ANKS1B: variants seen among roughly 807,000 people sequenced by gnomAD.
ANKS1B encodes ankyrin repeat and sterile alpha motif domain containing 1B.
A neutral mutation model predicts 148.3 loss-of-function variants in ANKS1B; 36 were observed. The observed-to-expected ratio is 0.24, with a 90% CI of 0.19 to 0.32. ANKS1B has a LOEUF of 0.32. ANKS1B is among the 10% of genes least tolerant of loss of function. The pLI is 1.00. For missense variants in ANKS1B, 1,157 were observed against 1,542.6 expected (o/e 0.75, Z 4.19); for synonymous variants, 542 against 560.8 (o/e 0.97, Z 0.47).
intron 1 of ANKS1B, among the ~76,000 whole-genome samples, chr12:99,925,240 C>A (rs2094454866): frequency 6.6e-6 from 1 of 152,094 alleles, no homozygotes; most frequent in Non-Finnish European, 1.5e-5. Flanking sequence ...GAGCAATAAG[C>A]TTGGGAGCTT....
At chr12:99,461,969 G>C (rs1262367830) in intron 10 of ANKS1B, among the ~76,000 whole-genome samples, 1 of 152,038 alleles carries the variant, frequency 6.6e-6, no homozygotes, top group East Asian at 1.9e-4. Context: ...TATCCATCTA[G>C]TTTCATCCAA....
rs377762780 is a variant in ANKS1B, at chr12:99,780,149, T to A, written c.746-177A>T. The stretch of plus-strand genomic sequence containing the variant: ...CACACATGCGCACACACACACACAC[T>A]CACACAAGATTTTAGCAAGAAAGAA... On this transcript the variant is annotated intron_variant, in intron 5 of 26. Coordinates refer to ENST00000683438, the MANE Select transcript of ANKS1B (RefSeq NM_001352186.2). 9.5e-3 allele frequency among the ~76,000 whole-genome samples: 1,447 copies of A among 151,680 alleles called. 13 individuals are homozygous for A. The highest frequency in any genetic ancestry group is 0.037 in the Middle Eastern group (11 of 294).
intron 19 of ANKS1B, among the ~76,000 whole-genome samples, chr12:98,824,055 A>C (rs74418538): frequency 0.015 from 2,281 of 152,320 alleles, 56 homozygotes; most frequent in African/African-American, 0.052. Flanking sequence ...ATAAAGTTCC[A>C]AATTTCACTT....
At chr12:99,123,538 C>T (rs1330856268) in intron 15 of ANKS1B, among the ~76,000 whole-genome samples, 1 of 152,094 alleles carries the variant, frequency 6.6e-6, no homozygotes. Context: ...CACAATAGGC[C>T]ACCTGCAAGC....
At chr12:99,303,676 G>C (rs1390166093) in intron 12 of ANKS1B, among the ~76,000 whole-genome samples, 2 of 152,032 alleles carry the variant, frequency 1.3e-5, no homozygotes, top group African/African-American at 4.8e-5. Flanking sequence ...GGTGGTGTTT[G>C]GTTACATGGA....
intron 17 of ANKS1B, among the ~76,000 whole-genome samples, chr12:98,939,667 T>TC (rs1029438943): frequency 6.6e-6 from 1 of 152,168 alleles, no homozygotes; most frequent in Admixed American, 6.5e-5. Context: ...AGGTTGATAT[T>TC]CCCCCCAATA....
chr12:99,933,156 C>T (rs943510577), intron 1 of ANKS1B, among the ~76,000 whole-genome samples: 2 of 152,046 alleles, frequency 1.3e-5, no homozygotes, highest in African/African-American at 4.8e-5. Context: ...CTGTGTTGGT[C>T]ACTATAGCTC....
chr12:99,099,095 C>T (rs1446060173), intron 15 of ANKS1B, among the ~76,000 whole-genome samples: 1 of 151,936 alleles, frequency 6.6e-6, no homozygotes, highest in African/African-American at 2.4e-5. Context: ...CTGTTGAGTC[C>T]TAAAATTGCT....
chr12:99,876,190 T>G (rs2092028795), intron 1 of ANKS1B, among the ~76,000 whole-genome samples: 1 of 152,154 alleles, frequency 6.6e-6, no homozygotes, highest in African/African-American at 2.4e-5. Flanking sequence ...CTGTGCTAAG[T>G]GCTGCAGAAA....
At chr12:99,894,405 A>T (rs1201077412) in intron 1 of ANKS1B, among the ~76,000 whole-genome samples, 1 of 149,042 alleles carries the variant, frequency 6.7e-6, no homozygotes, top group African/African-American at 2.5e-5. Context: ...GCTACTCAGG[A>T]GGCTGAGACA....
intron 11 of ANKS1B, among the ~76,000 whole-genome samples, chr12:99,437,154 T>A (rs1158097158): frequency 2.0e-5 from 3 of 151,990 alleles, no homozygotes; most frequent in Non-Finnish European, 4.4e-5. Context: ...TGGGTTCTGG[T>A]GAAGGTCCTC....
chr12:99,012,388 T>G (rs936524227), intron 17 of ANKS1B, among the ~76,000 whole-genome samples: 1 of 152,202 alleles, frequency 6.6e-6, no homozygotes, highest in African/African-American at 2.4e-5. Context: ...TCTAGCATAT[T>G]TTAAATCTGT....
intron 17 of ANKS1B, among the ~76,000 whole-genome samples, chr12:99,027,455 C>A (rs997676787): frequency 2.6e-5 from 4 of 152,138 alleles, no homozygotes; most frequent in Non-Finnish European, 4.4e-5. Context: ...TATCAGGTAC[C>A]CAAACTCTTC....
At chr12:99,584,010 T>C (rs2097597264) in intron 9 of ANKS1B, among the ~76,000 whole-genome samples, 1 of 152,250 alleles carries the variant, frequency 6.6e-6, no homozygotes, top group Admixed American at 6.5e-5. Flanking sequence ...ATTCTGCTCT[T>C]AAACAGAGAC....
At chr12:99,912,886 T>C (rs1790992166) in intron 1 of ANKS1B, among the ~76,000 whole-genome samples, 1 of 152,196 alleles carries the variant, frequency 6.6e-6, no homozygotes, top group South Asian at 2.1e-4. Context: ...ATTAGTTTTG[T>C]TTACTCATTG....
intron 8 of ANKS1B, among the ~76,000 whole-genome samples, chr12:99,678,530 G>GA (rs2098595349): frequency 6.6e-6 from 1 of 152,092 alleles, no homozygotes; most frequent in African/African-American, 2.4e-5. Context: ...AGCAAGGAGA[G>GA]AAAATTCTCC....
At chr12:99,185,675 T>G (rs1350604072) in intron 14 of ANKS1B, among the ~76,000 whole-genome samples, 16 of 152,138 alleles carry the variant, frequency 1.1e-4, no homozygotes, top group Admixed American at 1.0e-3. Context: ...AGGGAAGCCA[T>G]GAGGAACTGT....
rs577338120 is a variant in ANKS1B at position 99,706,247 on chromosome 12, G to A, written c.1129-51037C>T. ...AAAAAGGAGCAAAACAAATAGATTAGAGACATAAAGATAAATACCCAGATA... is the reference window on the plus strand; with the variant it reads ...AAAAAGGAGCAAAACAAATAGATTAAAGACATAAAGATAAATACCCAGATA... On this transcript the variant is annotated intron_variant, in intron 8 of 26. Transcript: ENST00000683438. Among the ~76,000 whole-genome samples, 6 of 152,038 alleles carry A rather than the reference G, an allele frequency of 3.9e-5. No individual in the cohort carries two copies. In the South Asian group the frequency reaches 1.2e-3, roughly 32 times the overall value.
chr12:99,153,891 C>G (rs2075578178), intron 15 of ANKS1B, among the ~76,000 whole-genome samples: 1 of 152,136 alleles, frequency 6.6e-6, no homozygotes, highest in African/African-American at 2.4e-5. Flanking sequence ...TCATTAACCA[C>G]TAAATGCTGA....
Sources: allele counts gnomAD v4.1 joint callset (sites outside exome capture counted in the v4.1 genomes callset), GRCh38; gene constraint gnomAD v4.1.1; transcripts MANE v1.5; gene names NCBI Gene and HGNC (gene_info 2026-07-23, HGNC 2026-07-21).